The following CTNND2 variants were observed in gnomAD, a reference collection of about 807,000 sequenced individuals.
CTNND2 encodes the protein catenin delta-2.
CTNND2 carries 22 observed loss-of-function variants against 144.4 expected under a neutral mutation model. That is an observed-to-expected ratio of 0.15 (90% CI 0.11 to 0.22). CTNND2 has a LOEUF of 0.22. CTNND2 is among the 10% of genes least tolerant of loss of function. The pLI, the probability that CTNND2 is intolerant of heterozygous loss-of-function variation, is 1.00. For missense variants in CTNND2, 1,353 were observed against 1,618.8 expected (o/e 0.84, Z 2.82); for synonymous variants, 751 against 695.6 (o/e 1.08, Z -1.25).
intron 2 of CTNND2, among the ~76,000 whole-genome samples, chr5:11,681,089 G>A (rs964912332): frequency 1.9e-4 from 29 of 152,154 alleles, no homozygotes; most frequent in Non-Finnish European, 8.8e-5. Flanking sequence ...AATGAGATGC[G>A]AAGAAGATCT....
chr5:11,269,323 A>T (rs1745768453), intron 9 of CTNND2, among the ~76,000 whole-genome samples: 1 of 152,220 alleles, frequency 6.6e-6, no homozygotes, highest in Non-Finnish European at 1.5e-5. Context: ...ACAGCTTTAT[A>T]ACACTTTGGG....
chr5:11,445,415 TA>T (rs1764708015), intron 3 of CTNND2, among the ~76,000 whole-genome samples: 1 of 152,224 alleles, frequency 6.6e-6, no homozygotes, highest in African/African-American at 2.4e-5. Flanking sequence ...CATGTCGTTC[TA>T]GGGGACACAA....
chr5:11,049,566 C>T (rs706234), intron 16 of CTNND2, among the ~76,000 whole-genome samples: 115,074 of 152,100 alleles, frequency 0.76, 44,160 homozygotes, highest in East Asian at 0.92. Context: ...GGCAAGCCTG[C>T]GAGTTTACCC....
At chr5:11,010,553 C>T (rs1223991316) in intron 18 of CTNND2, among the ~76,000 whole-genome samples, 1 of 152,184 alleles carries the variant, frequency 6.6e-6, no homozygotes, top group African/African-American at 2.4e-5. Context: ...GTTTGCAGGG[C>T]CATGGCTACT....
At chr5:11,665,363 T>C (rs927658156) in intron 2 of CTNND2, among the ~76,000 whole-genome samples, 1 of 152,188 alleles carries the variant, frequency 6.6e-6, no homozygotes, top group Admixed American at 6.6e-5. Context: ...GTTGTGGTAC[T>C]GGTTTATATA....
chr5:11,656,656 A>T (rs549606116), intron 2 of CTNND2, among the ~76,000 whole-genome samples: 2 of 152,168 alleles, frequency 1.3e-5, no homozygotes, highest in East Asian at 3.9e-4. Context: ...GAAAGTCTTC[A>T]CCCTCTCTCT....
At chr5:11,878,203 G>A (rs1204021357) in intron 1 of CTNND2, among the ~76,000 whole-genome samples, 1 of 151,780 alleles carries the variant, frequency 6.6e-6, no homozygotes, top group East Asian at 1.9e-4. Flanking sequence ...AAACTATAGC[G>A]GTATATATTA....
intron 3 of CTNND2, among the ~76,000 whole-genome samples, chr5:11,488,397 T>C (rs1769049696): frequency 6.6e-6 from 1 of 152,144 alleles, no homozygotes; most frequent in South Asian, 2.1e-4. Context: ...GAAAACACTA[T>C]CTAAATACAG....
chr5:11,310,174 G>T (rs1255413901), intron 9 of CTNND2, among the ~76,000 whole-genome samples: 2 of 152,052 alleles, frequency 1.3e-5, no homozygotes, highest in Non-Finnish European at 2.9e-5. Context: ...TAGGTCCTGG[G>T]CTAGGCAGTG....
At chr5:11,089,940 C>G (rs1371765026) in intron 15 of CTNND2, among the ~76,000 whole-genome samples, 1 of 152,082 alleles carries the variant, frequency 6.6e-6, no homozygotes, top group African/African-American at 2.4e-5. Context: ...ACCAGGGAGG[C>G]AGAGGTTGCA....
At chr5:11,398,336 G>T (rs150881282) in intron 5 of CTNND2, among the ~76,000 whole-genome samples, 1 of 151,722 alleles carries the variant, frequency 6.6e-6, no homozygotes, top group Admixed American at 6.6e-5. Flanking sequence ...TTTATATTTC[G>T]AATGAGACAT....
At chr5:11,183,558 TTGG>T (rs1379937851) in intron 11 of CTNND2, among the ~76,000 whole-genome samples, 3 of 151,408 alleles carry the variant, frequency 2.0e-5, no homozygotes, top group Non-Finnish European at 4.4e-5. Flanking sequence ...TCTTTTTTTT[TTGG>T]TTTTTTTTTT....
At chr5:11,631,963 G>C (rs2727599) in intron 2 of CTNND2, among the ~76,000 whole-genome samples, 77 of 152,280 alleles carry the variant, frequency 5.1e-4, no homozygotes, top group African/African-American at 1.7e-3. Context: ...CATATGAACA[G>C]AGAGTTCCAG....
intron 10 of CTNND2, among the ~76,000 whole-genome samples, chr5:11,212,404 A>G (rs1454689379): frequency 2.0e-5 from 3 of 152,224 alleles, no homozygotes; most frequent in African/African-American, 7.2e-5. Context: ...TATACAATGT[A>G]GTACACGATT....
At chr5:11,256,423 G>T (rs1744252256) in intron 9 of CTNND2, among the ~76,000 whole-genome samples, 2 of 152,130 alleles carry the variant, frequency 1.3e-5, no homozygotes, top group South Asian at 2.1e-4. Flanking sequence ...GTGTAATTTT[G>T]TAATGATAAT....
At chr5:11,052,872 G>A (rs1745978637) in intron 16 of CTNND2, among the ~76,000 whole-genome samples, 1 of 151,984 alleles carries the variant, frequency 6.6e-6, no homozygotes, top group African/African-American at 2.4e-5. Context: ...TAACACTTCG[G>A]GTTTGTATAT....
At chr5:11,519,668 C>T (rs116810909) in intron 3 of CTNND2, among the ~76,000 whole-genome samples, 46 of 152,152 alleles carry the variant, frequency 3.0e-4, no homozygotes, top group African/African-American at 8.7e-4. Context: ...TTTTCATCTC[C>T]TCATACCAGT....
chr5:11,894,941 G>A (rs968823710), intron 1 of CTNND2, among the ~76,000 whole-genome samples: 2 of 152,170 alleles, frequency 1.3e-5, no homozygotes, highest in African/African-American at 4.8e-5. Context: ...ATGATTTGTG[G>A]ATCAATTATT....
intron 3 of CTNND2, among the ~76,000 whole-genome samples, chr5:11,472,256 G>T (rs953424121): frequency 6.6e-6 from 1 of 152,076 alleles, no homozygotes; most frequent in Non-Finnish European, 1.5e-5. Context: ...AGATAACCAC[G>T]AATATCTTTC....
Sources: gnomAD v4.1 joint callset for allele counts (sites outside exome capture counted in the v4.1 genomes callset) on GRCh38, gnomAD v4.1.1 for gene constraint, MANE v1.5 for transcripts, NCBI Gene and HGNC (gene_info 2026-07-23, HGNC 2026-07-21) for gene names.